Variants in VWA3A observed in about 807,000 individuals in gnomAD.
VWA3A encodes von Willebrand factor A domain containing 3A.
A neutral mutation model predicts 160.4 loss-of-function variants in VWA3A; 134 were observed. That is an observed-to-expected ratio of 0.84 (90% confidence interval 0.73 to 0.96). The LOEUF (loss-of-function observed/expected upper bound fraction) is 0.96, where lower values mean the gene tolerates loss of function less well. Among genes scored for constraint, VWA3A ranks in the 40% least tolerant of loss-of-function variants. The pLI is 0.00. For missense variants in VWA3A, 1,310 were observed against 1,447.9 expected, an observed-to-expected ratio of 0.90 and a Z score of 1.55; for synonymous variants, 476 against 543.4, an observed-to-expected ratio of 0.88 and a Z score of 1.72.
Position 22,097,684 on chromosome 16 carries a change from C to A in VWA3A, c.214C>A (p.Gln72Lys). ...GLLVTHVNQT[Q>K]DLLRLQGSET... is the part of the protein sequence containing the mutation. ...ATTGGTTACACATGTTAACCAGACA[C>A]AGGACTTACTGGTAAAGACCATGGC... The change falls in exon 3 of 34, where the codon CAG (glutamine) becomes AAG (lysine). Residue 72 changes from glutamine (Q) to lysine (K), a missense_variant. Transcript: ENST00000389398. The A allele has an allele frequency of 6.4e-7, 1 of 1,551,642 alleles. No individual in the cohort carries two copies. Among genetic ancestry groups the A allele is most frequent in the Non-Finnish European group, 8.7e-7 (1 of 1,146,942 alleles).
At position 22,096,903 on chromosome 16, in the gene VWA3A, A is replaced by T. The variant is rs905565435; in HGVS notation, c.59A>T (p.His20Leu). 1.9e-6 allele frequency: 3 copies of T among 1,549,496 alleles called. No individual in the cohort carries two copies. The highest frequency in any genetic ancestry group is 1.4e-5 in the African/African-American group (1 of 72,754). ...GCFAMATQTS[H>L]VFHGQENMFL... ...TTTGCAATGGCTACACAAACTAGTC[A>T]TGTCTTCCATGGTCAAGAAAATATG... Residue 20 changes from histidine (H) to leucine (L), a missense_variant, in exon 2 of 34, where the codon CAT (histidine) becomes CTT (leucine). Transcript: ENST00000389398.
chr16:22,126,306 C>G lies in VWA3A; in HGVS notation c.1652+9C>G. The G allele has an allele frequency of 1.2e-6, 2 of 1,609,198 alleles. 1 individual carries two copies. Among genetic ancestry groups the G allele is most frequent in the Non-Finnish European group, 1.7e-6 (2 of 1,176,544 alleles). On this transcript the variant is annotated intron_variant, in intron 17 of 33. Transcript: ENST00000389398. ...TGTTTCAACCTCATCGCGTATGTGT[C>G]TCCTGGCTCCTGGGGGCAAGGGTGG... is the stretch of plus-strand genomic sequence containing the variant.
At chr16:22,093,520 G>T (rs775476449) in intron 1 of VWA3A, among the ~76,000 whole-genome samples, 2 of 152,140 alleles carry the variant, frequency 1.3e-5, no homozygotes, top group South Asian at 4.1e-4. Flanking sequence ...TCTCTGGCAC[G>T]CAGTGAGTGC....
intron 27 of VWA3A, among the ~76,000 whole-genome samples, chr16:22,147,391 G>C (rs187872162): frequency 6.6e-6 from 1 of 152,078 alleles, no homozygotes; most frequent in Non-Finnish European, 1.5e-5. Context: ...ATTAAGAGAC[G>C]GTCTGGAAGC....
intron 11 of VWA3A, 25 bp downstream of exon 11, chr16:22,117,201 C>G: frequency 6.4e-7 from 1 of 1,565,010 alleles, no homozygotes; most frequent in Non-Finnish European, 8.7e-7. Flanking sequence ...CAACACATGG[C>G]CCCTCTTCTT....
chr16:22,114,651 T>C (rs989849463), intron 8 of VWA3A, among the ~76,000 whole-genome samples: 6 of 152,128 alleles, frequency 3.9e-5, no homozygotes, highest in African/African-American at 1.4e-4. Flanking sequence ...TGAGCTAATA[T>C]TTGTCCTGGG....
At chr16:22,154,323 CTTTTT>C (rs988862954) in intron 31 of VWA3A, among the ~76,000 whole-genome samples, 17 of 73,904 alleles carry the variant, frequency 2.3e-4, no homozygotes, top group African/African-American at 1.0e-3. Context: ...TTTTCTTTTT[CTTTTT>C]TTTTTTTTTT....
In VWA3A at chr16:22,146,291, AC is replaced by A; in HGVS notation, c.2787del (p.Leu930TrpfsTer5). ...TPREMEVYIRHLEKVLRRYVQ... is the reference protein window; with the variant it reads ...TPREMEVYIRXLEKVLRRYVQ... ...AGGGAGATGGAGGTGTACATCAGGC[AC>A]TTGGAGAAGGTGTTAAGGCGCTATG... is the stretch of plus-strand genomic sequence containing the variant. On this transcript the variant is annotated frameshift_variant, in exon 27 of 34. Coordinates refer to ENST00000389398, the MANE Select transcript of VWA3A (RefSeq NM_173615.5). LOFTEE classifies it high-confidence loss of function. The A allele has an allele frequency of 6.2e-7, 1 of 1,613,732 alleles. No individual in the cohort carries two copies.
At chr16:22,132,563 T>C (rs1174819992) in intron 19 of VWA3A, among the ~76,000 whole-genome samples, 2 of 151,916 alleles carry the variant, frequency 1.3e-5, no homozygotes, top group African/African-American at 4.8e-5. Context: ...AATACATACA[T>C]ACATACATAC....
At chr16:22,150,628 G>T in intron 29 of VWA3A, 67 bp from the exon 30 acceptor site, 1 of 1,518,226 alleles carries the variant, frequency 6.6e-7, no homozygotes, top group Non-Finnish European at 8.8e-7. Flanking sequence ...CTACCTTTAG[G>T]CATTTGGTTC....
intron 19 of VWA3A, 65 bp downstream of exon 19, chr16:22,131,794 A>G: frequency 6.5e-7 from 1 of 1,539,060 alleles, no homozygotes; most frequent in Non-Finnish European, 8.8e-7. Flanking sequence ...CCCCAGGTGG[A>G]TACCTTGCCA....
chr16:22,146,420 C>CCAA, intron 27 of VWA3A, 76 bp downstream of exon 27: 1 of 1,282,478 alleles, frequency 7.8e-7, no homozygotes, highest in Non-Finnish European at 1.1e-6. Context: ...ACCCCAGTGT[C>CCAA]AGTCCTTCCA....
chr16:22,098,249 A>G (rs954549744), intron 3 of VWA3A, among the ~76,000 whole-genome samples: 1 of 152,232 alleles, frequency 6.6e-6, no homozygotes, highest in Non-Finnish European at 1.5e-5. Flanking sequence ...TACCTAACCC[A>G]CACTAGAGTT....
At chr16:22,099,160 G>A (rs941218977) in intron 3 of VWA3A, among the ~76,000 whole-genome samples, 1 of 152,026 alleles carries the variant, frequency 6.6e-6, no homozygotes, top group Non-Finnish European at 1.5e-5. Context: ...AGTCTGAAAG[G>A]TGAGAAGAGT....
rs776166983 is a variant in VWA3A at position 22,155,702 on chromosome 16, G to C, written c.3503+38G>C. 1.1e-5 allele frequency: 17 copies of C among 1,607,776 alleles called. No individual in the cohort carries two copies. In the South Asian group the frequency reaches 1.6e-4, roughly 16 times the overall value. On this transcript the variant is annotated intron_variant, in intron 32 of 33. Coordinates refer to ENST00000389398, the MANE Select transcript of VWA3A (RefSeq NM_173615.5). ...CGCAGCCTCTCCGGCCTGCCATGTG[G>C]CTACAGCCCATGCAGACCCCGGACC...
chr16:22,116,626 C>T (rs1489803668), intron 9 of VWA3A, 133 bp from the exon 10 acceptor site: 5 of 714,466 alleles, frequency 7.0e-6, no homozygotes, highest in Non-Finnish European at 1.2e-5. Context: ...CCCTGCATGC[C>T]ACATAGGTGA....
rs759768400 is a variant in VWA3A, at chr16:22,140,148, T to C, written c.2293-6T>C. On this transcript the variant is annotated splice_polypyrimidine_tract_variant and splice_region_variant and intron_variant, in intron 22 of 33. Transcript: ENST00000389398. ...CCTCTGATGGGAAAGATTGCCTGTT[T>C]TCTAGAGCATTAAAGATGACCCTGA... 1.2e-6 allele frequency: 2 copies of C among 1,612,708 alleles called. No homozygotes were observed. Among genetic ancestry groups the C allele is most frequent in the Non-Finnish European group, 1.7e-6 (2 of 1,179,214 alleles).
rs2046448963 is a variant in VWA3A at position 22,156,822 on chromosome 16, A to G, written c.*805A>G. ...GGTTCATTTTCTAAAATTAAAAACA[A>G]TTAATTTTATTCTACTAATAGGATC... On this transcript the variant is annotated 3_prime_UTR_variant, in exon 34 of 34. Coordinates refer to ENST00000389398, the MANE Select transcript of VWA3A (RefSeq NM_173615.5). The G allele has an allele frequency of 6.6e-6, 1 of 152,200 alleles. No homozygotes were observed. The highest frequency in any genetic ancestry group is 1.5e-5 in the Non-Finnish European group (1 of 68,028). The allele number at this position is 152,200 out of a possible 1,614,324, so 9.4% of individuals were successfully genotyped here.
intron 30 of VWA3A, among the ~76,000 whole-genome samples, chr16:22,151,767 CA>C (rs546639535): frequency 2.3e-3 from 322 of 138,292 alleles, no homozygotes; most frequent in South Asian, 8.0e-3. Context: ...TCAGCTCCTT[CA>C]AAAAAAAAAA....
Sources: gnomAD v4.1 joint callset for allele counts (sites outside exome capture counted in the v4.1 genomes callset) on GRCh38, gnomAD v4.1.1 for gene constraint, MANE v1.5 for transcripts, NCBI Gene and HGNC (gene_info 2026-07-23, HGNC 2026-07-21) for gene names.